The following DGLUCY variants were observed in gnomAD, a reference collection of about 807,000 sequenced individuals.
DGLUCY encodes D-glutamate cyclase, mitochondrial.
In DGLUCY, 58 loss-of-function variants were observed where a neutral mutation model predicts 58.5. The observed-to-expected ratio is 0.99, with a 90% CI of 0.80 to 1.23. The LOEUF (loss-of-function observed/expected upper bound fraction) is 1.23, where lower values mean the gene tolerates loss of function less well. Among genes scored for constraint, DGLUCY ranks in the 50% most tolerant of loss-of-function variants. DGLUCY has a pLI of 0.00. For missense variants in DGLUCY, 779 were observed against 784.7 expected, an observed-to-expected ratio of 0.99 and a Z score of 0.09; for synonymous variants, 325 against 314.1, an observed-to-expected ratio of 1.03 and a Z score of -0.37.
At chr14:91,202,080 A>AATAATT (rs1389619783) in intron 11 of DGLUCY, among the ~76,000 whole-genome samples, 8 of 150,358 alleles carry the variant, frequency 5.3e-5, no homozygotes, top group Non-Finnish European at 1.2e-4. Flanking sequence ...TAATAATAAT[A>AATAATT]ATAATGTGAT....
chr14:91,086,959 C>A (rs896426778), intron 1 of DGLUCY, among the ~76,000 whole-genome samples: 1 of 152,078 alleles, frequency 6.6e-6, no homozygotes, highest in Non-Finnish European at 1.5e-5. Flanking sequence ...CACCATGTTG[C>A]CCAGGCTGTA....
At chr14:91,160,472 G>A in intron 3 of DGLUCY, 75 bp downstream of exon 3, 1 of 1,099,356 alleles carries the variant, frequency 9.1e-7, no homozygotes, top group Non-Finnish European at 1.3e-6. Flanking sequence ...AGCTGTGTAG[G>A]GCCCACAAAC....
chr14:91,115,562 T>A (rs2044877451), intron 1 of DGLUCY, among the ~76,000 whole-genome samples: 1 of 152,308 alleles, frequency 6.6e-6, no homozygotes, highest in South Asian at 2.1e-4. Context: ...TAGCAGGGAC[T>A]ACAGGCACAT....
intron 1 of DGLUCY, among the ~76,000 whole-genome samples, chr14:91,123,339 A>G (rs940817071): frequency 6.6e-6 from 1 of 152,204 alleles, no homozygotes; most frequent in Non-Finnish European, 1.5e-5. Context: ...AAGCCACTTG[A>G]TATTAGCGCA....
intron 1 of DGLUCY, among the ~76,000 whole-genome samples, chr14:91,149,646 C>T (rs964623776): frequency 3.9e-5 from 6 of 152,214 alleles, no homozygotes; most frequent in African/African-American, 1.4e-4. Context: ...GGAATTTGGC[C>T]TGATGGACCC....
intron 5 of DGLUCY, among the ~76,000 whole-genome samples, chr14:91,171,434 C>T (rs903134768): frequency 1.2e-4 from 19 of 152,254 alleles, no homozygotes; most frequent in African/African-American, 4.6e-4. Flanking sequence ...AATATCGACA[C>T]CTCTGCCCCT....
chr14:91,167,431 A>G (rs757196836), intron 4 of DGLUCY, 53 bp downstream of exon 4: 4 of 1,608,286 alleles, frequency 2.5e-6, no homozygotes. Context: ...CAGGTGCTGT[A>G]GCCAGGTGTC....
intron 1 of DGLUCY, among the ~76,000 whole-genome samples, chr14:91,076,764 C>T (rs1201020623): frequency 2.0e-5 from 3 of 152,202 alleles, no homozygotes; most frequent in East Asian, 1.9e-4. Flanking sequence ...AGCAAGACAC[C>T]GTCCCAGGAG....
intron 13 of DGLUCY, 97 bp downstream of exon 13, chr14:91,215,653 C>A: frequency 6.2e-7 from 1 of 1,600,084 alleles, no homozygotes; most frequent in Non-Finnish European, 8.5e-7. Flanking sequence ...GGCTGGCACC[C>A]TGCTGCCCCT....
At chr14:91,125,615 A>C (rs1427063674) in intron 1 of DGLUCY, 2 of 152,212 alleles carry the variant, frequency 1.3e-5, no homozygotes, top group African/African-American at 4.8e-5. Flanking sequence ...TGTGTCTAGC[A>C]GTTTCAGAGG....
intron 1 of DGLUCY, among the ~76,000 whole-genome samples, chr14:91,075,129 C>T (rs575968900): frequency 1.3e-5 from 2 of 151,572 alleles, no homozygotes; most frequent in South Asian, 2.1e-4. Context: ...CTTCTTTCCC[C>T]TTGGATCTTC....
intron 1 of DGLUCY, among the ~76,000 whole-genome samples, chr14:91,121,505 A>G (rs1208454917): frequency 6.6e-6 from 1 of 152,104 alleles, no homozygotes; most frequent in African/African-American, 2.4e-5. Flanking sequence ...CCTGGCCAAC[A>G]TGGTGAAACC....
At chr14:91,060,689 G>T in exon 1 of DGLUCY, 1 of 372,650 alleles carries the variant, frequency 2.7e-6, no homozygotes, top group Non-Finnish European at 4.7e-6. Context: ...AGGCCGCTCC[G>T]CCCACAGCCA....
At chr14:91,183,337 G>T (rs111955608) in intron 8 of DGLUCY, among the ~76,000 whole-genome samples, 14 of 152,194 alleles carry the variant, frequency 9.2e-5, no homozygotes, top group Non-Finnish European at 2.1e-4. Flanking sequence ...AAAGCTGGTT[G>T]AGGGGCTTTT....
intron 1 of DGLUCY, among the ~76,000 whole-genome samples, chr14:91,149,228 CAA>C (rs936559009): frequency 2.9e-5 from 4 of 140,052 alleles, no homozygotes; most frequent in Non-Finnish European, 6.1e-5. Flanking sequence ...GCCTGGGCAA[CAA>C]GAGCGAAACT....
chr14:91,219,922 C>G (rs1887177157), intron 13 of DGLUCY, among the ~76,000 whole-genome samples: 1 of 152,114 alleles, frequency 6.6e-6, no homozygotes, highest in South Asian at 2.1e-4. Context: ...GGGGTGGGTC[C>G]CTAGGAGGGA....
chr14:91,158,398 G>A (rs1224471399), intron 2 of DGLUCY, among the ~76,000 whole-genome samples: 1 of 152,194 alleles, frequency 6.6e-6, no homozygotes. Context: ...AGCTATTAAA[G>A]TACTCACTGT....
chr14:91,179,886 C>CTTTT (rs35580984), intron 7 of DGLUCY, among the ~76,000 whole-genome samples: 114 of 75,980 alleles, frequency 1.5e-3, no homozygotes, highest in East Asian at 3.2e-3. Flanking sequence ...ATGCTAAACA[C>CTTTT]TTTTTTTTTT....
chr14:91,088,764 C>T (rs2044262403), intron 1 of DGLUCY, among the ~76,000 whole-genome samples: 1 of 152,196 alleles, frequency 6.6e-6, no homozygotes, highest in African/African-American at 2.4e-5. Context: ...TGAACACAGA[C>T]ATGTGTACAT....
Sources: allele counts gnomAD v4.1 joint callset (sites outside exome capture counted in the v4.1 genomes callset), GRCh38; gene constraint gnomAD v4.1.1; transcripts MANE v1.5; gene names NCBI Gene and HGNC (gene_info 2026-07-23, HGNC 2026-07-21).